PCDHA2: variants seen among roughly 807,000 people sequenced by gnomAD.
The protein encoded by PCDHA2 is protocadherin alpha-2.
PCDHA2 carries 58 observed loss-of-function variants against 66.0 expected under a neutral mutation model. The ratio of observed to expected loss-of-function variants is 0.88; its 90% CI spans 0.71 to 1.09. PCDHA2 has a LOEUF of 1.09. PCDHA2 is among the 50% of genes least tolerant of loss of function. The probability of loss-of-function intolerance (pLI) is 0.00; values close to 1 mark genes in which losing one functional copy is unlikely to be tolerated. For synonymous variants in PCDHA2, 634 were observed against 554.0 expected, an observed-to-expected ratio of 1.14 and a Z score of -2.03; for missense variants, 1,267 against 1,242.3, an observed-to-expected ratio of 1.02 and a Z score of -0.30.
chr5:140,904,926 A>G (rs1459530811), intron 1 of PCDHA2, among the ~76,000 whole-genome samples: 1 of 152,130 alleles, frequency 6.6e-6, no homozygotes, highest in Admixed American at 6.5e-5. Context: ...ACTTCCTTGT[A>G]GGTTCTGGAT....
At chr5:140,842,126 C>T (rs534570289) in intron 1 of PCDHA2, 2 of 1,613,822 alleles carry the variant, frequency 1.2e-6, no homozygotes, top group Non-Finnish European at 1.7e-6. Flanking sequence ...TGCTTCTGAT[C>T]CGGATGAAGG....
intron 1 of PCDHA2, among the ~76,000 whole-genome samples, chr5:140,855,367 A>C (rs1244767077): frequency 6.7e-6 from 1 of 150,034 alleles, no homozygotes; most frequent in African/African-American, 2.4e-5. Flanking sequence ...AGTGAGTAGG[A>C]TAATAGGAAT....
At chr5:140,969,608 CAG>C in intron 1 of PCDHA2, 1 of 747,330 alleles carries the variant, frequency 1.3e-6, no homozygotes, top group South Asian at 2.1e-5. Flanking sequence ...TGCTAAAACA[CAG>C]ATTTGTAGAG....
chr5:140,798,848 C>T (rs1380621189), intron 1 of PCDHA2, among the ~76,000 whole-genome samples: 2 of 152,158 alleles, frequency 1.3e-5, no homozygotes, highest in African/African-American at 4.8e-5. Flanking sequence ...AAATAACTGT[C>T]TTAAACGGTC....
rs2150366293 is a variant in PCDHA2 at position 140,843,763 on chromosome 5, G to A, written c.2388+46411G>A. 5.2e-5 allele frequency: 78 copies of A among 1,492,498 alleles called. 4 individuals are homozygous for A. The Middle Eastern group carries it at 1.8e-3, about 34-fold the overall frequency. The allele number at this position is 1,492,498 out of a possible 1,614,324, so 92.5% of individuals were successfully genotyped here. A position where few individuals can be genotyped will look rare whatever the true frequency, so the allele number is the denominator to read the frequency against. Reference sequence around the variant, plus strand: ...CTCATAAATTCTATTTGTGGAAATTGTAGTTACTTTAAAAGTGTTTCAGAT... The same window carrying A: ...CTCATAAATTCTATTTGTGGAAATTATAGTTACTTTAAAAGTGTTTCAGAT... On this transcript the variant is annotated intron_variant, in intron 1 of 3. Coordinates refer to ENST00000526136, the MANE Select transcript of PCDHA2 (RefSeq NM_018905.3).
rs376556447 is a variant in PCDHA2 at position 140,885,103 on chromosome 5, CT to C, written c.2388+87758del. On this transcript the variant is annotated intron_variant, in intron 1 of 3. Transcript: ENST00000526136. The stretch of plus-strand genomic sequence containing the variant: ...AGCCCCATAACTTTTCACATAAATG[CT>C]TTTTTTAAGTGCACTTTTCTTTCTT... Among the ~76,000 whole-genome samples the C allele has an allele frequency of 4.5e-3, 686 of 152,136 alleles. 2 individuals are homozygous for C. Among genetic ancestry groups the C allele is most frequent in the African/African-American group, 0.016 (664 of 41,518 alleles).
chr5:140,869,838 A>G, intron 1 of PCDHA2: 6 of 1,611,734 alleles, frequency 3.7e-6, no homozygotes, highest in Non-Finnish European at 5.1e-6. Context: ...TTGATAAATC[A>G]GAATATAAGG....
At chr5:140,882,460 C>T in intron 1 of PCDHA2, 4 of 1,613,998 alleles carry the variant, frequency 2.5e-6, no homozygotes, top group Non-Finnish European at 3.4e-6. Context: ...CGCGCCTGTT[C>T]CGGGTGGCGT....
intron 1 of PCDHA2, chr5:140,870,291 G>A (rs372143455): frequency 3.2e-5 from 52 of 1,614,052 alleles, no homozygotes; most frequent in Non-Finnish European, 3.6e-5. Context: ...CCTTCAAGCT[G>A]GTGTCCACCT....
At chr5:140,900,807 A>G (rs868976984) in intron 1 of PCDHA2, among the ~76,000 whole-genome samples, 1 of 152,176 alleles carries the variant, frequency 6.6e-6, no homozygotes, top group South Asian at 2.1e-4. Flanking sequence ...TAGTGCTTGT[A>G]CTAATTTACA....
intron 1 of PCDHA2, chr5:140,862,954 T>C (rs781926222): frequency 1.5e-5 from 8 of 542,620 alleles, no homozygotes; most frequent in Non-Finnish European, 2.2e-5. Flanking sequence ...TGGTGCGGTA[T>C]TCAGTGGATG....
intron 1 of PCDHA2, among the ~76,000 whole-genome samples, chr5:140,942,587 CAT>C (rs2093330311): frequency 6.7e-6 from 1 of 148,732 alleles, no homozygotes; most frequent in East Asian, 2.0e-4. Flanking sequence ...TAGGATGTCA[CAT>C]ATAATTATAG....
Position 140,850,919 on chromosome 5 carries a change from T to C in PCDHA2, c.2388+53567T>C, listed in dbSNP as rs2150502156. 62 of 1,527,062 alleles carry C rather than the reference T, an allele frequency of 4.1e-5. 7 individuals are homozygous for C. The highest frequency in any genetic ancestry group is 4.8e-5 in the Non-Finnish European group (55 of 1,135,558). The allele number at this position is 1,527,062 out of a possible 1,614,324, so 94.6% of individuals were successfully genotyped here. ...GTTTTTCTAGCATTTTATTTATTTA[T>C]ATAATTTTTTTTCTTGAAAGATATT... On this transcript the variant is annotated intron_variant, in intron 1 of 3. Coordinates refer to ENST00000526136, the MANE Select transcript of PCDHA2 (RefSeq NM_018905.3).
At chr5:140,834,787 C>A (rs2150226563) in intron 1 of PCDHA2, 5 of 1,613,542 alleles carry the variant, frequency 3.1e-6, no homozygotes, top group East Asian at 2.2e-5. Context: ...GTGTTCCCAG[C>A]GACACAAAGG....
intron 1 of PCDHA2, among the ~76,000 whole-genome samples, chr5:140,941,348 G>T (rs1193360429): frequency 1.7e-5 from 2 of 116,240 alleles, no homozygotes; most frequent in East Asian, 2.7e-4. Context: ...ATGGAGTCTT[G>T]CTCTGTTGCC....
intron 1 of PCDHA2, chr5:140,807,967 G>A: frequency 6.2e-7 from 1 of 1,612,546 alleles, no homozygotes; most frequent in Non-Finnish European, 8.5e-7. Context: ...ATGGAACATT[G>A]GTAATTAAAC....
chr5:140,841,818 C>T lies in PCDHA2; in HGVS notation c.2388+44466C>T, dbSNP rs2150323435. ...TCCGATGCAGATGTTGGAGCTAACT[C>T]CGTGTTAACCTACAGGCTTAGCTCT... On this transcript the variant is annotated intron_variant, in intron 1 of 3. Coordinates refer to ENST00000526136, the MANE Select transcript of PCDHA2 (RefSeq NM_018905.3). The T allele has an allele frequency of 1.9e-6, 3 of 1,613,912 alleles. No homozygotes were observed. In the South Asian group the frequency reaches 3.3e-5, roughly 18 times the overall value.
intron 1 of PCDHA2, among the ~76,000 whole-genome samples, chr5:140,907,826 C>T (rs1448630927): frequency 6.6e-6 from 1 of 152,192 alleles, no homozygotes; most frequent in Non-Finnish European, 1.5e-5. Context: ...TCATCCTATC[C>T]ACTTGTTTAT....
chr5:140,880,090 G>A (rs977793027), intron 1 of PCDHA2, among the ~76,000 whole-genome samples: 3 of 152,136 alleles, frequency 2.0e-5, no homozygotes, highest in Admixed American at 2.0e-4. Context: ...ATTATAGTAG[G>A]CTTAAAATCA....
Sources: allele counts gnomAD v4.1 joint callset (sites outside exome capture counted in the v4.1 genomes callset), GRCh38; gene constraint gnomAD v4.1.1; transcripts MANE v1.5; gene names NCBI Gene and HGNC (gene_info 2026-07-23, HGNC 2026-07-21).